REN: variants seen among roughly 807,000 people sequenced by gnomAD.
The protein encoded by REN is angiotensin-forming enzyme.
REN carries 42 observed loss-of-function variants against 48.6 expected under a neutral mutation model. That is an observed-to-expected ratio of 0.86 (90% CI 0.68 to 1.12). The LOEUF is 1.12. Among genes scored for constraint, REN ranks in the 50% most tolerant of loss-of-function variants. The pLI, the probability that REN is intolerant of heterozygous loss-of-function variation, is 0.00. For missense variants in REN, 443 were observed against 527.3 expected (o/e 0.84, Z 1.57); for synonymous variants, 196 against 204.6 (o/e 0.96, Z 0.36).
At chr1:204,160,787 T>G in intron 3 of REN, 109 bp from the exon 4 acceptor site, 3 of 822,600 alleles carry the variant, frequency 3.6e-6, no homozygotes, top group African/African-American at 3.3e-5. Flanking sequence ...CAGGGATGAG[T>G]GGCCCTAGGG....
chr1:204,161,232 T>C, intron 3 of REN, 60 bp downstream of exon 3: 2 of 1,512,878 alleles, frequency 1.3e-6, no homozygotes, highest in Non-Finnish European at 1.8e-6. Flanking sequence ...TTGGGCAGGA[T>C]TGCTCATGCA....
rs1464816 is a variant in REN, at chr1:204,159,726, T to G, written c.493-131A>C. 504,978 of 759,204 alleles carry G rather than the reference T, an allele frequency of 0.67. 168,808 individuals are homozygous for G. The highest frequency in any genetic ancestry group is 0.76 in the East Asian group (28,851 of 37,804). The allele number at this position is 759,204 out of a possible 1,614,324, so 47.0% of individuals were successfully genotyped here. A position where few individuals can be genotyped will look rare whatever the true frequency, so the allele number is the denominator to read the frequency against. ...GTACAGAAATCGGGGTAAGAGTATT[T>G]CCTCAACCCTGCACGCACACACTCT... is the stretch of plus-strand genomic sequence containing the variant. On this transcript the variant is annotated intron_variant, in intron 4 of 9. Transcript: ENST00000272190.
chr1:204,157,215 G>A, intron 6 of REN, 146 bp downstream of exon 6: 1 of 1,114,246 alleles, frequency 9.0e-7, no homozygotes, highest in Non-Finnish European at 1.4e-6. Flanking sequence ...CATGGAGAGA[G>A]CAGGAAGGAG....
chr1:204,162,055 A>C lies in REN; in HGVS notation c.207T>G (p.Leu69=). 1 of 1,614,098 alleles carries C rather than the reference A, an allele frequency of 6.2e-7. No individual in the cohort carries two copies. The highest frequency in any genetic ancestry group is 8.5e-7 in the Non-Finnish European group (1 of 1,180,022). ...EWSQPMKRLT[L]GNTTSSVILT... is the part of the protein sequence containing the mutation. ...GGATCACGGAGGAGGTGGTGTTGCC[A>C]AGTGTCAGCCTCTTCATGGGTTGGC... The change falls in exon 2 of 10, where the codon CTT becomes CTG. Residue 69 remains leucine (L), a synonymous_variant. Transcript: ENST00000272190.
At position 204,155,879 on chromosome 1, in the gene REN, T is replaced by C. The variant is rs1170619535; in HGVS notation, c.1000A>G (p.Ile334Val). 1 of 1,614,032 alleles carries C rather than the reference T, an allele frequency of 6.2e-7. No homozygotes were observed. The highest frequency in any genetic ancestry group is 1.7e-5 in the Admixed American group (1 of 60,008). Reference sequence around the variant, plus strand: ...TCTTTGCCTCCCAGGTGGAAAGAGATGTCGGGGAGTGTAGGGCCCTCGTTA... The same window carrying C: ...TCTTTGCCTCCCAGGTGGAAAGAGACGTCGGGGAGTGTAGGGCCCTCGTTA... ...KCNEGPTLPD[I>V]SFHLGGKEYT... Residue 334 changes from isoleucine (I) to valine (V), a missense_variant, in exon 9 of 10, where the codon ATC becomes GTC. Physicochemically the swap from Ile to Val is conservative, Grantham distance 29 (BLOSUM62 3). Coordinates refer to ENST00000272190, the MANE Select transcript of REN (RefSeq NM_000537.4).
chr1:204,154,960 G>T lies in REN; in HGVS notation c.*56C>A. 1 of 1,595,882 alleles carries T rather than the reference G, an allele frequency of 6.3e-7. No individual in the cohort carries two copies. The highest frequency in any genetic ancestry group is 8.6e-7 in the Non-Finnish European group (1 of 1,167,834). ...CCCAGGCAGAGGGGCATCTCAGAGAGTGTTCCAGCTCTGGGCCAGGGCTGA... is the reference window on the plus strand; with the variant it reads ...CCCAGGCAGAGGGGCATCTCAGAGATTGTTCCAGCTCTGGGCCAGGGCTGA... On this transcript the variant is annotated 3_prime_UTR_variant, in exon 10 of 10. Transcript: ENST00000272190.
chr1:204,155,283 C>T (rs916517570), intron 9 of REN, 106 bp from the exon 10 acceptor site: 1 of 1,311,144 alleles, frequency 7.6e-7, no homozygotes, highest in African/African-American at 1.4e-5. Context: ...CCTCTCGCCC[C>T]CATCTCTCCC....
intron 4 of REN, 90 bp downstream of exon 4, chr1:204,160,470 A>T: frequency 1.2e-6 from 1 of 859,458 alleles, no homozygotes; most frequent in Non-Finnish European, 2.0e-6. Flanking sequence ...GCTGCAGTGT[A>T]CCTCCCCGCA....
Position 204,156,848 on chromosome 1 carries a change from A to G in REN, c.699-52T>C. The G allele has an allele frequency of 6.2e-7, 1 of 1,609,488 alleles. No homozygotes were observed. The highest frequency in any genetic ancestry group is 1.1e-5 in the South Asian group (1 of 91,040). On this transcript the variant is annotated intron_variant, in intron 6 of 9. Transcript: ENST00000272190. This position sits in a 1 kb window ranked among gnomAD's most constrained non-coding sequence, Gnocchi z 4.2. ...AAACCCATAACCTCCAGGACCCAGCAACTCAGGCAATTGGGGAAGGTTGCA... is the reference window on the plus strand; with the variant it reads ...AAACCCATAACCTCCAGGACCCAGCGACTCAGGCAATTGGGGAAGGTTGCA...
At chr1:204,157,233 G>T in intron 6 of REN, 128 bp downstream of exon 6, 1 of 1,260,444 alleles carries the variant, frequency 7.9e-7, no homozygotes, top group Non-Finnish European at 1.2e-6. Flanking sequence ...GAGAGACAGA[G>T]AACTTCGGCA....
chr1:204,158,559 G>A (rs1158041869), intron 5 of REN, among the ~76,000 whole-genome samples: 1 of 152,034 alleles, frequency 6.6e-6, no homozygotes, highest in Admixed American at 6.6e-5. Flanking sequence ...TGGGATTACA[G>A]GCATGAGCCA....
In REN at chr1:204,166,219, C is replaced by T. The variant is rs767266692; in HGVS notation, c.75G>A (p.Pro25=). 26 of 1,613,988 alleles carry T rather than the reference C, an allele frequency of 1.6e-5. No homozygotes were observed. The highest frequency in any genetic ancestry group is 4.5e-5 in the East Asian group (2 of 44,890). The change falls in exon 1 of 10, where the codon CCG becomes CCA. Residue 25 remains proline (P), a synonymous_variant. Coordinates refer to ENST00000272190, the MANE Select transcript of REN (RefSeq NM_000537.4). The part of the protein sequence containing the change: ...LLWGSCTFGL[P]TDTTTFKRIF... ...ACCGTTTAAAGGTGGTGGTGTCTGT[C>T]GGGAGACCAAAGGTACAGGAGCCCC...
At chr1:204,165,684 G>A (rs1462463936) in intron 1 of REN, among the ~76,000 whole-genome samples, 4 of 151,340 alleles carry the variant, frequency 2.6e-5, no homozygotes, top group Admixed American at 6.6e-5. Context: ...TCCACCTTCC[G>A]GGCTCAAACG....
intron 1 of REN, among the ~76,000 whole-genome samples, chr1:204,165,933 AG>A (rs1425120148): frequency 6.6e-6 from 1 of 152,136 alleles, no homozygotes; most frequent in Non-Finnish European, 1.5e-5. Context: ...CTCAAGTGCA[AG>A]GGGCATGTCC....
At chr1:204,165,473 T>C (rs933646687) in intron 1 of REN, among the ~76,000 whole-genome samples, 1 of 152,214 alleles carries the variant, frequency 6.6e-6, no homozygotes, top group Admixed American at 6.5e-5. Context: ...ATTCCAGACC[T>C]AGTTTGTTCT....
At chr1:204,157,249 C>G in intron 6 of REN, 112 bp downstream of exon 6, 2 of 1,402,034 alleles carry the variant, frequency 1.4e-6, no homozygotes, top group Non-Finnish European at 1.0e-6. Flanking sequence ...CGGCATCTAG[C>G]GGAGGCTGGG....
At position 204,158,411 on chromosome 1, in the gene REN, CTT is replaced by C. The variant is rs576572389; in HGVS notation, c.689+986_689+987del. ...TGGCCTCATGTTCTTACCCTTGTGACTTTTTTTTTTTTTTTTTTTTTTTTGAG... is the reference window on the plus strand; with the variant it reads ...TGGCCTCATGTTCTTACCCTTGTGACTTTTTTTTTTTTTTTTTTTTTTGAG... On this transcript the variant is annotated intron_variant, in intron 5 of 9. Coordinates refer to ENST00000272190, the MANE Select transcript of REN (RefSeq NM_000537.4). Among the ~76,000 whole-genome samples the C allele has an allele frequency of 3.0e-3, 294 of 97,220 alleles. 1 individual carries two copies. Among genetic ancestry groups the C allele is most frequent in the African/African-American group, 0.013 (279 of 21,466 alleles). 63.8% of individuals were successfully genotyped at this position (97,220 alleles called of 152,430 possible).
intron 9 of REN, 70 bp from the exon 10 acceptor site, chr1:204,155,247 CA>C: frequency 6.7e-7 from 1 of 1,488,634 alleles, no homozygotes. Flanking sequence ...GCCTGACCCC[CA>C]GCAACTGTCT....
In REN at chr1:204,159,459, AAG is replaced by A. The variant is rs1658205208; in HGVS notation, c.627_628del (p.Phe210ArgfsTer74). 6.2e-7 allele frequency: 1 copy of A among 1,614,142 alleles called. No individual in the cohort carries two copies. The highest frequency in any genetic ancestry group is 1.3e-5 in the African/African-American group (1 of 75,046). On this transcript the variant is annotated frameshift_variant, in exon 5 of 10. Transcript: ENST00000272190. LOFTEE classifies it high-confidence loss of function. ...CACCCCTTGGGAGATGATGTTGTCG[AAG>A]ATAGGGGTGACCCTGCCAATGGCCT...
Sources: allele counts gnomAD v4.1 joint callset (sites outside exome capture counted in the v4.1 genomes callset), GRCh38; gene constraint gnomAD v4.1.1; non-coding constraint Gnocchi (gnomAD v3.1); transcripts MANE v1.5; gene names NCBI Gene and HGNC (gene_info 2026-07-23, HGNC 2026-07-21).